Variants in MYH9 observed in about 807,000 individuals in gnomAD.
MYH9 encodes the protein myosin heavy chain 9, also known as myosin-9.
Under a neutral mutation model 241.9 loss-of-function variants are expected in MYH9, and 29 were observed. The observed-to-expected ratio is 0.12, with a 90% CI of 0.09 to 0.16. The LOEUF is 0.16. Ranked by LOEUF, MYH9 falls within the 10% of genes least tolerant of loss-of-function variation. MYH9 has a pLI of 1.00. For synonymous variants in MYH9, 1,047 were observed against 1,062.6 expected, an observed-to-expected ratio of 0.99 and a Z score of 0.29; for missense variants, 1,803 against 2,595.5, an observed-to-expected ratio of 0.69 and a Z score of 6.63.
At chr22:36,345,084 G>A (rs925667495) in intron 2 of MYH9, among the ~76,000 whole-genome samples, 4 of 152,098 alleles carry the variant, frequency 2.6e-5, no homozygotes, top group South Asian at 2.1e-4. Flanking sequence ...AGGCCGAGGC[G>A]GGAGGATCAC....
At chr22:36,354,092 G>C (rs1231706635) in intron 1 of MYH9, among the ~76,000 whole-genome samples, 2 of 152,028 alleles carry the variant, frequency 1.3e-5, no homozygotes, top group Non-Finnish European at 2.9e-5. Context: ...AGTAGAGACG[G>C]GGTTTCACCA....
intron 30 of MYH9, among the ~76,000 whole-genome samples, 163 bp from the exon 31 acceptor site, chr22:36,292,397 G>T (rs1486188946): frequency 6.6e-6 from 1 of 152,186 alleles, no homozygotes; most frequent in Non-Finnish European, 1.5e-5. Flanking sequence ...CTCTCCACAG[G>T]GGCGAGACAA....
chr22:36,340,209 A>G (rs1281226808), intron 3 of MYH9, among the ~76,000 whole-genome samples: 1 of 149,718 alleles, frequency 6.7e-6, no homozygotes, highest in Non-Finnish European at 1.5e-5. Context: ...ATTACTTTTA[A>G]TGGCAAAGAC....
At chr22:36,378,621 G>A (rs779199722) in intron 1 of MYH9, among the ~76,000 whole-genome samples, 2 of 152,018 alleles carry the variant, frequency 1.3e-5, no homozygotes, top group Non-Finnish European at 2.9e-5. Context: ...TTGATTTTTC[G>A]AGCTGTGGGA....
chr22:36,358,701 T>C lies in MYH9; in HGVS notation c.-19-9446A>G, dbSNP rs1412394053. Among the ~76,000 whole-genome samples, 4 of 152,258 alleles carry C rather than the reference T, an allele frequency of 2.6e-5. No individual in the cohort carries two copies. In the East Asian group the frequency reaches 7.7e-4, roughly 29 times the overall value. On this transcript the variant is annotated intron_variant, in intron 1 of 40. Transcript: ENST00000216181. Reference sequence around the variant, plus strand: ...CACCACTGCCCGTGCCCTGTTCCAGTCCAGGCCCACAGGCCCTCCCTTCTG... The same window carrying C: ...CACCACTGCCCGTGCCCTGTTCCAGCCCAGGCCCACAGGCCCTCCCTTCTG...
Position 36,349,178 on chromosome 22 carries a change from G to A in MYH9, c.59C>T (p.Pro20Leu), listed in dbSNP as rs755382917. ...LYVDKNFINN[P>L]LAQADWAAKK... ...GGCAGCCCAGTCGGCCTGGGCCAGC[G>A]GATTGTTGATGAAGTTTTTATCCAC... Residue 20 changes from proline (P) to leucine (L), a missense_variant, in exon 2 of 41, where the codon CCG becomes CTG. This residue lies in a region of MYH9 where 75 missense variants were observed against 79.1 expected (regional missense o/e 0.95). Coordinates refer to ENST00000216181, the MANE Select transcript of MYH9 (RefSeq NM_002473.6). 7 of 1,614,174 alleles carry A rather than the reference G, an allele frequency of 4.3e-6. No individual in the cohort carries two copies. The highest frequency in any genetic ancestry group is 3.3e-4 in the Middle Eastern group (2 of 6,062).
intron 18 of MYH9, among the ~76,000 whole-genome samples, chr22:36,304,528 T>G (rs891072741): frequency 7.2e-5 from 11 of 152,254 alleles, no homozygotes; most frequent in Non-Finnish European, 1.3e-4. Context: ...AGGAGCAGGG[T>G]GGGATTCAGC....
chr22:36,282,533 G>C lies in MYH9; in HGVS notation c.*135C>G, dbSNP rs1406794885. 1 of 865,972 alleles carries C rather than the reference G, an allele frequency of 1.2e-6. No homozygotes were observed. Among genetic ancestry groups the C allele is most frequent in the East Asian group, 2.4e-5 (1 of 41,584 alleles). The allele number at this position is 865,972 out of a possible 1,614,324, so 53.6% of individuals were successfully genotyped here. ...AACACCTGGAGGGAAACGGGATGGG[G>C]GGACGGGGCGGAGGGCAGGAGGAGG... is the stretch of plus-strand genomic sequence containing the variant. On this transcript the variant is annotated 3_prime_UTR_variant, in exon 41 of 41. Transcript: ENST00000216181.
chr22:36,363,354 C>T (rs1019087810), intron 1 of MYH9, among the ~76,000 whole-genome samples: 1 of 152,156 alleles, frequency 6.6e-6, no homozygotes, highest in African/African-American at 2.4e-5. Flanking sequence ...AGCATCAATG[C>T]TTGTTGAAAA....
Position 36,285,973 on chromosome 22 carries a change from T to C in MYH9, c.5062-20A>G. 1 of 1,608,510 alleles carries C rather than the reference T, an allele frequency of 6.2e-7. No homozygotes were observed. Among genetic ancestry groups the C allele is most frequent in the East Asian group, 2.2e-5 (1 of 44,862 alleles). Reference sequence around the variant, plus strand: ...CAGTTCCTGCCACAAAGACCCAGAGTGTGACCTAAAGGCAGCCACAGCCCC... The same window carrying C: ...CAGTTCCTGCCACAAAGACCCAGAGCGTGACCTAAAGGCAGCCACAGCCCC... On this transcript the variant is annotated intron_variant, in intron 35 of 40. Transcript: ENST00000216181. The surrounding 1 kb of genome is among the most constrained non-coding windows in gnomAD (Gnocchi z 7.0).
chr22:36,316,766 C>A, intron 11 of MYH9, 97 bp from the exon 12 acceptor site: 2 of 1,397,190 alleles, frequency 1.4e-6, no homozygotes, highest in South Asian at 2.4e-5. Context: ...AGTCCTCCCC[C>A]TAGAGGAACA....
chr22:36,328,710 T>C (rs1046859415), intron 3 of MYH9: 1 of 152,226 alleles, frequency 6.6e-6, no homozygotes, highest in East Asian at 1.9e-4. Flanking sequence ...GGCAGTGGCG[T>C]TGTCAGGGCA....
chr22:36,299,263 G>A (rs145529355), intron 23 of MYH9, among the ~76,000 whole-genome samples: 23 of 152,312 alleles, frequency 1.5e-4, no homozygotes, highest in Non-Finnish European at 3.2e-4. Context: ...AAATGTGGGT[G>A]CCCAAGCCCT....
chr22:36,354,250 G>A (rs941607349), intron 1 of MYH9, among the ~76,000 whole-genome samples: 10 of 151,890 alleles, frequency 6.6e-5, no homozygotes, highest in Admixed American at 2.0e-4. Context: ...TACAGATGAT[G>A]CAGTGGTGGC....
rs372076600 is a variant in MYH9, at chr22:36,295,612, G to A, written c.3378C>T (p.Ser1126=). The part of the protein sequence containing the change: ...LQEDLESERA[S]RNKAEKQKRD... ...GTTTCTGCTTCTCAGCTTTATTCCT[G>A]GAAGCACGCTCAGACTCCAGGTCTT... Residue 1126 remains serine (S), a synonymous_variant, in exon 26 of 41, where the codon TCC becomes TCT. Transcript: ENST00000216181. This position sits in a 1 kb window ranked among gnomAD's most constrained non-coding sequence, Gnocchi z 4.1. The A allele has an allele frequency of 1.2e-6, 2 of 1,613,884 alleles. No individual in the cohort carries two copies. Among genetic ancestry groups the A allele is most frequent in the Non-Finnish European group, 1.7e-6 (2 of 1,179,966 alleles).
In MYH9 at chr22:36,285,810, C is replaced by G; in HGVS notation, c.5151-29G>C. The stretch of plus-strand genomic sequence containing the variant: ...CGGGGTGGGCGGGAGAAGTGAGGGG[C>G]CTACCCTGGGGACACACCTGGTCCC... On this transcript the variant is annotated intron_variant, in intron 36 of 40. Coordinates refer to ENST00000216181, the MANE Select transcript of MYH9 (RefSeq NM_002473.6). This position sits in a 1 kb window ranked among gnomAD's most constrained non-coding sequence, Gnocchi z 7.0. 3.1e-6 allele frequency: 5 copies of G among 1,612,474 alleles called. No individual in the cohort carries two copies. The highest frequency in any genetic ancestry group is 4.2e-6 in the Non-Finnish European group (5 of 1,179,558).
At chr22:36,328,685 G>A (rs942788011) in intron 3 of MYH9, among the ~76,000 whole-genome samples, 7 of 152,238 alleles carry the variant, frequency 4.6e-5, no homozygotes, top group South Asian at 2.1e-4. Context: ...CCAACGCGAC[G>A]TCGCCACGAT....
At chr22:36,301,137 C>G (rs1036084080) in intron 21 of MYH9, 80 bp from the exon 22 acceptor site, 1 of 1,391,754 alleles carries the variant, frequency 7.2e-7, no homozygotes, top group African/African-American at 1.4e-5. Context: ...CGCCATGGCT[C>G]GGGATCCCAG....
rs529792100 is a variant in MYH9 at position 36,296,835 on chromosome 22, G to A, written c.3272+8C>T. The A allele has an allele frequency of 1.9e-6, 3 of 1,603,822 alleles. No homozygotes were observed. The highest frequency in any genetic ancestry group is 1.7e-5 in the Admixed American group (1 of 59,828). The stretch of plus-strand genomic sequence containing the variant: ...ACCTGGCCTCAGGCGGGCAGGCGGG[G>A]TCCTCACCTGGCCAGGGCGGCCTGG... On this transcript the variant is annotated splice_region_variant and intron_variant, in intron 25 of 40. Coordinates refer to ENST00000216181, the MANE Select transcript of MYH9 (RefSeq NM_002473.6).
Sources: gnomAD v4.1 joint callset for allele counts (sites outside exome capture counted in the v4.1 genomes callset) on GRCh38, gnomAD v4.1.1 for gene constraint, gnomAD v4.1.1 regional missense constraint, Gnocchi (gnomAD v3.1) non-coding constraint, MANE v1.5 for transcripts, NCBI Gene and HGNC (gene_info 2026-07-23, HGNC 2026-07-21) for gene names.